PLCH1: variants seen among roughly 807,000 people sequenced by gnomAD.
The protein encoded by PLCH1 is phospholipase C eta 1, also known as 1-phosphatidylinositol 4,5-bisphosphate phosphodiesterase eta-1.
In PLCH1, 60 loss-of-function variants were observed where a neutral mutation model predicts 126.7. The ratio of observed to expected loss-of-function variants is 0.47; its 90% CI spans 0.38 to 0.59. PLCH1 has a LOEUF of 0.59. Ranked by LOEUF, PLCH1 falls within the 20% of genes least tolerant of loss-of-function variation. The pLI is 0.00. For synonymous variants in PLCH1, 719 were observed against 734.9 expected, an observed-to-expected ratio of 0.98 and a Z score of 0.35; for missense variants, 1,723 against 2,040.0, an observed-to-expected ratio of 0.84 and a Z score of 2.99.
At chr3:155,620,357 G>A (rs767461553) in intron 2 of PLCH1, among the ~76,000 whole-genome samples, 4 of 152,162 alleles carry the variant, frequency 2.6e-5, no homozygotes, top group Non-Finnish European at 4.4e-5. Flanking sequence ...AGCAGCACCA[G>A]GTAGACCATA....
intron 2 of PLCH1, among the ~76,000 whole-genome samples, chr3:155,647,532 C>G (rs1460747420): frequency 6.6e-6 from 1 of 151,760 alleles, no homozygotes; most frequent in African/African-American, 2.4e-5. Context: ...TTAGATCAGA[C>G]AGAAAAAAGA....
At chr3:155,559,651 T>C (rs1727313215) in intron 8 of PLCH1, among the ~76,000 whole-genome samples, 2 of 152,206 alleles carry the variant, frequency 1.3e-5, no homozygotes, top group Admixed American at 6.5e-5. Flanking sequence ...GAGGAAGATA[T>C]TTGGGAGCAT....
Sources: gnomAD v4.1 joint callset for allele counts (sites outside exome capture counted in the v4.1 genomes callset) on GRCh38, gnomAD v4.1.1 for gene constraint, MANE v1.5 for transcripts, NCBI Gene and HGNC (gene_info 2026-07-23, HGNC 2026-07-21) for gene names.